The following SEC23IP variants were observed in gnomAD, a reference collection of about 807,000 sequenced individuals.
SEC23IP encodes SEC23-interacting protein.
SEC23IP carries 70 observed loss-of-function variants against 113.4 expected under a neutral mutation model. The observed-to-expected ratio is 0.62, with a 90% CI of 0.51 to 0.75. The LOEUF (loss-of-function observed/expected upper bound fraction) is 0.75, where lower values mean the gene tolerates loss of function less well. Among genes scored for constraint, SEC23IP ranks in the 30% least tolerant of loss-of-function variants. SEC23IP has a pLI of 0.00. For missense variants in SEC23IP, 1,160 were observed against 1,204.9 expected (o/e 0.96, Z 0.55); for synonymous variants, 398 against 421.0 (o/e 0.95, Z 0.67).
intron 11 of SEC23IP, 56 bp downstream of exon 11, chr10:119,919,652 A>G (rs1023855231): frequency 1.2e-5 from 17 of 1,381,282 alleles, no homozygotes; most frequent in South Asian, 1.5e-5. Flanking sequence ...GTGTAGATTG[A>G]AAATTAAGAA....
At chr10:119,928,055 T>C (rs1168281537) in intron 13 of SEC23IP, among the ~76,000 whole-genome samples, 1 of 152,362 alleles carries the variant, frequency 6.6e-6, no homozygotes, top group East Asian at 1.9e-4. Flanking sequence ...AATTAATTTT[T>C]TGTGTGTATT....
intron 15 of SEC23IP, 70 bp downstream of exon 15, chr10:119,930,501 G>T: frequency 1.2e-6 from 1 of 869,010 alleles, no homozygotes; most frequent in South Asian, 1.6e-5. Context: ...TGAAAATTTT[G>T]ACACTAAATC....
rs201202771 is a variant in SEC23IP, at chr10:119,892,739, G to A, written c.-44G>A. 9 of 1,559,754 alleles carry A rather than the reference G, an allele frequency of 5.8e-6. No homozygotes were observed. Among genetic ancestry groups the A allele is most frequent in the Non-Finnish European group, 7.8e-6 (9 of 1,151,052 alleles). ...TGATCGGTTTCCGGTCAGTGGTGTGGTACCGGGTACCCGGAGACGTGTATC... is the reference window on the plus strand; with the variant it reads ...TGATCGGTTTCCGGTCAGTGGTGTGATACCGGGTACCCGGAGACGTGTATC... On this transcript the variant is annotated 5_prime_UTR_variant, in exon 1 of 19. Transcript: ENST00000369075.
chr10:119,915,760 G>C lies in SEC23IP; in HGVS notation c.1415G>C (p.Arg472Thr). 6.4e-7 allele frequency: 1 copy of C among 1,573,494 alleles called. No individual in the cohort carries two copies. Among genetic ancestry groups the C allele is most frequent in the Non-Finnish European group, 8.6e-7 (1 of 1,160,564 alleles). The part of the protein sequence containing the change: ...RSIIECVDDF[R>T]VVSLKLLRTH... Reference sequence around the variant, plus strand: ...TTTTCTTTTGAAGTGGATGATTTTAGGGTGGTTTCTCTCAAATTGCTGCGG... The same window carrying C: ...TTTTCTTTTGAAGTGGATGATTTTACGGTGGTTTCTCTCAAATTGCTGCGG... The change falls in exon 8 of 19, where the codon AGG (arginine) becomes ACG (threonine). Residue 472 changes from arginine to threonine, a missense_variant. Transcript: ENST00000369075.
intron 18 of SEC23IP, 145 bp downstream of exon 18, chr10:119,933,932 A>G (rs954718002): frequency 1.1e-5 from 5 of 464,078 alleles, no homozygotes; most frequent in African/African-American, 4.0e-5. Flanking sequence ...TAGAGACATT[A>G]AGGAAGATAA....
intron 12 of SEC23IP, among the ~76,000 whole-genome samples, chr10:119,923,796 G>C (rs1855328541): frequency 6.6e-6 from 1 of 152,140 alleles, no homozygotes; most frequent in South Asian, 2.1e-4. Flanking sequence ...TGATCCACCT[G>C]CCTTGCCCTC....
At chr10:119,907,446 A>G (rs1854712193) in intron 4 of SEC23IP, among the ~76,000 whole-genome samples, 1 of 152,178 alleles carries the variant, frequency 6.6e-6, no homozygotes, top group South Asian at 2.1e-4. Flanking sequence ...AACAATTTTT[A>G]CTTGTCAATT....
intron 6 of SEC23IP, among the ~76,000 whole-genome samples, chr10:119,913,400 A>G (rs1854932593): frequency 6.6e-6 from 1 of 152,058 alleles, no homozygotes; most frequent in Non-Finnish European, 1.5e-5. Flanking sequence ...TGCAGGCCAC[A>G]TGGACTCTGT....
At position 119,930,430 on chromosome 10, in the gene SEC23IP, A is replaced by C; in HGVS notation, c.2571A>C (p.Leu857Phe). The C allele has an allele frequency of 6.3e-7, 1 of 1,590,758 alleles. No homozygotes were observed. Among genetic ancestry groups the C allele is most frequent in the Non-Finnish European group, 8.6e-7 (1 of 1,162,034 alleles). ...ACAAAGGCAGAAAAAGACTTCATTT[A>C]GGTAAAAAGCAAATACTATAAAAAC... ...PHHKGRKRLH[L>F]ELKESLSRMG... The change falls in exon 15 of 19, where the codon TTA becomes TTC. Residue 857 changes from leucine to phenylalanine, a missense_variant and splice_region_variant. Transcript: ENST00000369075.
rs148514992 is a variant in SEC23IP at position 119,905,720 on chromosome 10, T to C, written c.1101+1443T>C. On this transcript the variant is annotated intron_variant, in intron 4 of 18. Transcript: ENST00000369075. ...GATGAAGACATGATTATTGTCTACG[T>C]GGAAAATCAGGAGAACCTCTAGAAA... 3.9e-5 allele frequency among the ~76,000 whole-genome samples: 6 copies of C among 152,264 alleles called. No individual in the cohort carries two copies. In the East Asian group the frequency reaches 1.2e-3, roughly 29 times the overall value.
intron 2 of SEC23IP, among the ~76,000 whole-genome samples, chr10:119,899,315 A>G (rs913884854): frequency 3.3e-5 from 5 of 152,234 alleles, no homozygotes. Flanking sequence ...TTTCAATTAC[A>G]CTAGTCAATC....
intron 1 of SEC23IP, among the ~76,000 whole-genome samples, chr10:119,894,328 A>G (rs549702928): frequency 6.6e-6 from 1 of 152,298 alleles, no homozygotes; most frequent in South Asian, 2.1e-4. Context: ...TGTTTGAAGG[A>G]TGAAAGACAG....
At chr10:119,907,604 G>T (rs144638988) in intron 4 of SEC23IP, among the ~76,000 whole-genome samples, 46 of 152,202 alleles carry the variant, frequency 3.0e-4, no homozygotes, top group African/African-American at 1.1e-3. Flanking sequence ...CACAGGTTCC[G>T]TATCTGCAGA....
At chr10:119,906,410 G>A in intron 4 of SEC23IP, among the ~76,000 whole-genome samples, 1 of 134,452 alleles carries the variant, frequency 7.4e-6, no homozygotes, top group South Asian at 2.4e-4. Context: ...TCACATCAGG[G>A]TTTTTTTTTT....
chr10:119,939,682 AAAAAT>A (rs1044340282), intron 18 of SEC23IP, among the ~76,000 whole-genome samples: 53 of 152,324 alleles, frequency 3.5e-4, no homozygotes, highest in African/African-American at 1.0e-3. Flanking sequence ...CTCAAAGAAA[AAAAAT>A]AAAATAAAAT....
chr10:119,935,984 G>A (rs754461023), intron 18 of SEC23IP, among the ~76,000 whole-genome samples: 7 of 152,174 alleles, frequency 4.6e-5, no homozygotes, highest in Non-Finnish European at 8.8e-5. Flanking sequence ...ATCTGTTTAA[G>A]CAGTCCCTAC....
At chr10:119,919,418 T>G (rs772576218) in intron 10 of SEC23IP, 26 bp from the exon 11 acceptor site, 1 of 1,577,906 alleles carries the variant, frequency 6.3e-7, no homozygotes, top group South Asian at 1.2e-5. Context: ...GAGCTTGTAA[T>G]GTTTTTCATA....
intron 8 of SEC23IP, 89 bp downstream of exon 8, chr10:119,915,978 C>T: frequency 1.8e-6 from 2 of 1,125,548 alleles, no homozygotes; most frequent in Non-Finnish European, 1.2e-6. Context: ...ATTGTAGCTT[C>T]AATCAATATG....
In SEC23IP at chr10:119,942,354, C is replaced by A. The variant is rs1040277146; in HGVS notation, c.*1789C>A. 2 of 152,064 alleles carry A rather than the reference C, an allele frequency of 1.3e-5. No homozygotes were observed. Among genetic ancestry groups the A allele is most frequent in the Non-Finnish European group, 2.9e-5 (2 of 68,024 alleles). The allele number at this position is 152,064 out of a possible 1,614,324, so 9.4% of individuals were successfully genotyped here. On this transcript the variant is annotated 3_prime_UTR_variant, in exon 19 of 19. Coordinates refer to ENST00000369075, the MANE Select transcript of SEC23IP (RefSeq NM_007190.4). ...ATACATATATATATATACACACACACATATGTATGTATGTATGTATTACTA... is the reference window on the plus strand; with the variant it reads ...ATACATATATATATATACACACACAAATATGTATGTATGTATGTATTACTA...
Sources: allele counts gnomAD v4.1 joint callset (sites outside exome capture counted in the v4.1 genomes callset), GRCh38; gene constraint gnomAD v4.1.1; transcripts MANE v1.5; gene names NCBI Gene and HGNC (gene_info 2026-07-23, HGNC 2026-07-21).